The following CARD9 variants were observed in gnomAD, a reference collection of about 807,000 sequenced individuals.
The protein encoded by CARD9 is caspase recruitment domain family member 9.
A neutral mutation model predicts 66.0 loss-of-function variants in CARD9; 53 were observed. The observed-to-expected ratio is 0.80, with a 90% CI of 0.64 to 1.01. The LOEUF (loss-of-function observed/expected upper bound fraction) is 1.01. Ranked by LOEUF, CARD9 falls within the 50% of genes least tolerant of loss-of-function variation. The pLI is 0.00. For synonymous variants in CARD9, 387 were observed against 313.8 expected, an observed-to-expected ratio of 1.23 and a Z score of -2.47; for missense variants, 769 against 743.2, an observed-to-expected ratio of 1.03 and a Z score of -0.40.
rs1833252763 is a variant in CARD9, at chr9:136,370,933, T to C, written c.535A>G (p.Lys179Glu). 7 of 1,612,328 alleles carry C rather than the reference T, an allele frequency of 4.3e-6. No homozygotes were observed. The highest frequency in any genetic ancestry group is 2.2e-5 in the East Asian group (1 of 44,876). The change falls in exon 4 of 13, where the codon AAG becomes GAG. Residue 179 changes from lysine (K) to glutamate (E), a missense_variant. Transcript: ENST00000371732. ...ATGGCCAGGTCGTAGTTCTCCTCCT[T>C]GCAGCGCTTGAGCTCGCGGCTGCCG... ...EAGSRELKRC[K>E]EENYDLAMRL...
chr9:136,369,962 A>G (rs950548740), intron 6 of CARD9, 87 bp from the exon 7 acceptor site: 2 of 1,588,908 alleles, frequency 1.3e-6, no homozygotes, highest in Non-Finnish European at 1.7e-6. Flanking sequence ...GCTCAGAAGC[A>G]TGTGGTCAGG....
rs1263126134 is a variant in CARD9, at chr9:136,367,678, C to A, written c.1228G>T (p.Glu410Ter). 6.3e-7 allele frequency: 1 copy of A among 1,599,414 alleles called. No homozygotes were observed. Among genetic ancestry groups the A allele is most frequent in the Admixed American group, 1.7e-5 (1 of 59,586 alleles). Residue 410 changes from glutamate to a stop codon, truncating the protein, a stop_gained, in exon 8 of 13, where the codon GAG (glutamate) becomes TAG (stop). Transcript: ENST00000371732. LOFTEE classifies it high-confidence loss of function. ...FQCEAQLLAV[E>*]GRLRRQQLET... ...AGCTGCTGCCGCCTGAGCCTGCCCTCCACGGCCAGTAGCTGCGCCTCACAC... is the reference window on the plus strand; with the variant it reads ...AGCTGCTGCCGCCTGAGCCTGCCCTACACGGCCAGTAGCTGCGCCTCACAC...
chr9:136,366,703 T>C, intron 10 of CARD9, 97 bp downstream of exon 10: 2 of 1,320,484 alleles, frequency 1.5e-6, no homozygotes, highest in Non-Finnish European at 2.2e-6. Context: ...GTTGTGGGGG[T>C]TGACACAGGC....
chr9:136,372,182 G>C (rs570512595), intron 1 of CARD9, 88 bp from the exon 2 acceptor site: 1 of 1,544,236 alleles, frequency 6.5e-7, no homozygotes, highest in African/African-American at 1.4e-5. Context: ...CGCTGGGCCA[G>C]GGCTCTCGTC....
In CARD9 at chr9:136,370,332, G is replaced by C. The variant is rs764674043; in HGVS notation, c.913C>G (p.Arg305Gly). Residue 305 changes from arginine (R) to glycine (G), a missense_variant, in exon 6 of 13, where the codon CGC becomes GGC. By Grantham distance (125) the Arg-to-Gly change is moderately radical (BLOSUM62 -2). Coordinates refer to ENST00000371732, the MANE Select transcript of CARD9 (RefSeq NM_052813.5). ...GCCTCGCCCTGGCGGAGGTCCTTGCGCAGGGAGAAGATGGTGTTGGCCTGC... is the reference window on the plus strand; with the variant it reads ...GCCTCGCCCTGGCGGAGGTCCTTGCCCAGGGAGAAGATGGTGTTGGCCTGC... Reference protein sequence around the residue: ...QEQANTIFSLRKDLRQGEARR... With the variant: ...QEQANTIFSLGKDLRQGEARR... 1 of 1,608,672 alleles carries C rather than the reference G, an allele frequency of 6.2e-7. No individual in the cohort carries two copies. The highest frequency in any genetic ancestry group is 8.5e-7 in the Non-Finnish European group (1 of 1,179,148).
rs1439639210 is a variant in CARD9, at chr9:136,370,715, A to G, written c.628-14T>C. Reference sequence around the variant, plus strand: ...GAGCTGGTCAATCTGCAGAAGGTCCAGTGAGCCTGGCTGTCCCCTCCAGGC... The same window carrying G: ...GAGCTGGTCAATCTGCAGAAGGTCCGGTGAGCCTGGCTGTCCCCTCCAGGC... On this transcript the variant is annotated splice_polypyrimidine_tract_variant and intron_variant, in intron 4 of 12. Transcript: ENST00000371732. 16 of 1,612,532 alleles carry G rather than the reference A, an allele frequency of 9.9e-6. No homozygotes were observed. The highest frequency in any genetic ancestry group is 2.2e-5 in the East Asian group (1 of 44,876).
intron 7 of CARD9, among the ~76,000 whole-genome samples, chr9:136,368,823 A>AT (rs765736439): frequency 0.018 from 2,667 of 146,306 alleles, 55 homozygotes; most frequent in African/African-American, 0.057. Context: ...CGACCAGTTA[A>AT]TTTTTTTTTT....
In CARD9 at chr9:136,369,853, A is replaced by C. The variant is rs774264495; in HGVS notation, c.974T>G (p.Phe325Cys). The C allele has an allele frequency of 1.2e-6, 2 of 1,612,588 alleles. No individual in the cohort carries two copies. The highest frequency in any genetic ancestry group is 2.7e-5 in the African/African-American group (2 of 74,934). The change falls in exon 7 of 13, where the codon TTC (phenylalanine) becomes TGC (cysteine). Residue 325 changes from phenylalanine to cysteine, a missense_variant. By Grantham distance (205) the Phe-to-Cys change is radical. Coordinates refer to ENST00000371732, the MANE Select transcript of CARD9 (RefSeq NM_052813.5). ...RLRCMEEKEM[F>C]ELQCLALRKD... ...ACGTAGTGCCAGGCACTGCAGCTCGAACATCTCCTTCTCCTCCATGCACTG... is the reference window on the plus strand; with the variant it reads ...ACGTAGTGCCAGGCACTGCAGCTCGCACATCTCCTTCTCCTCCATGCACTG...
intron 11 of CARD9, 65 bp from the exon 12 acceptor site, chr9:136,364,624 C>A (rs1833072699): frequency 1.4e-6 from 2 of 1,459,704 alleles, no homozygotes; most frequent in Admixed American, 2.0e-5. Context: ...TTCTCACCCG[C>A]CCCCCACTGG....
rs757743370 is a variant in CARD9 at position 136,371,950 on chromosome 9, A to G, written c.129T>C (p.Asp43=). Residue 43 remains aspartate, a synonymous_variant, in exon 2 of 13, where the codon GAT becomes GAC. Transcript: ENST00000371732. ...GGTCGCTGAGCACCTGCTCCTCATCATCGGGGTTCAGGACCTTGCACTGCC... is the reference window on the plus strand; with the variant it reads ...GGTCGCTGAGCACCTGCTCCTCATCGTCGGGGTTCAGGACCTTGCACTGCC... ...YLRQCKVLNP[D]DEEQVLSDPN... is the part of the protein sequence containing the mutation. 4 of 1,610,486 alleles carry G rather than the reference A, an allele frequency of 2.5e-6. No homozygotes were observed. In the African/African-American group the frequency reaches 4.0e-5, roughly 16 times the overall value.
At chr9:136,370,123 G>A in intron 6 of CARD9, 171 bp downstream of exon 6, 1 of 1,423,406 alleles carries the variant, frequency 7.0e-7, no homozygotes. Flanking sequence ...TTGCCATGGG[G>A]GGCAGGCGGG....
At position 136,369,753 on chromosome 9, in the gene CARD9, G is replaced by A. The variant is rs751321743; in HGVS notation, c.1074C>T (p.Asp358=). 5 of 1,598,610 alleles carry A rather than the reference G, an allele frequency of 3.1e-6. No homozygotes were observed. In the East Asian group the frequency reaches 9.0e-5, roughly 29 times the overall value. The change falls in exon 7 of 13, where the codon GAC becomes GAT. Residue 358 remains aspartate (D), a synonymous_variant. Coordinates refer to ENST00000371732, the MANE Select transcript of CARD9 (RefSeq NM_052813.5). ...TCCTGCCCCTGCGAGTGCCCACCTG[G>A]TCCCGCTCAATGGCGACCTCCTCCA... ...LQMEEVAIER[D]QAIATREELH...
chr9:136,364,278 TG>T lies in CARD9; in HGVS notation c.*23del, dbSNP rs1302109073. 3 of 1,551,640 alleles carry T rather than the reference TG, an allele frequency of 1.9e-6. No homozygotes were observed. The highest frequency in any genetic ancestry group is 2.6e-6 in the Non-Finnish European group (3 of 1,147,434). ...GGAGGCCGGGCCGGTGGGTGTGCCCTGGTCGGGGCCTGCGCTGCTGCGGCTA... is the reference window on the plus strand; with the variant it reads ...GGAGGCCGGGCCGGTGGGTGTGCCCTGTCGGGGCCTGCGCTGCTGCGGCTA... On this transcript the variant is annotated 3_prime_UTR_variant, in exon 13 of 13. Coordinates refer to ENST00000371732, the MANE Select transcript of CARD9 (RefSeq NM_052813.5).
rs1288575769 is a variant in CARD9 at position 136,370,633 on chromosome 9, C to T, written c.696G>A (p.Leu232=). The T allele has an allele frequency of 6.2e-7, 1 of 1,612,764 alleles. No individual in the cohort carries two copies. Among genetic ancestry groups the T allele is most frequent in the Non-Finnish European group, 8.5e-7 (1 of 1,179,912 alleles). Reference sequence around the variant, plus strand: ...GCTGCTCCATGGCGTGCCTGAGCTTCAGCGTGTGCTTGCGCTCCACCTTGC... The same window carrying T: ...GCTGCTCCATGGCGTGCCTGAGCTTTAGCGTGTGCTTGCGCTCCACCTTGC... ...DDCKVERKHT[L]KLRHAMEQRP... is the part of the protein sequence containing the mutation. Residue 232 remains leucine, a synonymous_variant, in exon 5 of 13, where the codon CTG becomes CTA. Coordinates refer to ENST00000371732, the MANE Select transcript of CARD9 (RefSeq NM_052813.5).
chr9:136,364,459 G>A, intron 12 of CARD9, 24 bp downstream of exon 12: 1 of 1,540,776 alleles, frequency 6.5e-7, no homozygotes. Context: ...CCGTTTTGGA[G>A]AAGCCTGGGG....
intron 11 of CARD9, chr9:136,364,814 ATTGTTTCTACAACAAAG>A (rs1833079818): frequency 1.7e-6 from 1 of 599,434 alleles, no homozygotes; most frequent in Non-Finnish European, 3.0e-6. Context: ...GGTCCGGGCC[ATTGTTTCTACAACAAAG>A]CCCGAGGTGG....
intron 10 of CARD9, chr9:136,365,494 G>A (rs1833102480): frequency 3.7e-6 from 2 of 547,714 alleles, no homozygotes; most frequent in African/African-American, 3.8e-5. Flanking sequence ...CTGCCAGGGA[G>A]GAACGCCTCC....
intron 11 of CARD9, 22 bp downstream of exon 11, chr9:136,365,119 C>G: frequency 1.2e-6 from 2 of 1,610,122 alleles, no homozygotes; most frequent in African/African-American, 1.3e-5. Flanking sequence ...GCTGGGAGGA[C>G]CCCACCCCGG....
chr9:136,369,608 C>T lies in CARD9; in HGVS notation c.1077+142G>A, dbSNP rs1833208092. 4 of 1,482,274 alleles carry T rather than the reference C, an allele frequency of 2.7e-6. No individual in the cohort carries two copies. The South Asian group carries it at 5.1e-5, about 19-fold the overall frequency. 91.8% of individuals were successfully genotyped at this position (1,482,274 alleles called of 1,614,324 possible). A position where few individuals can be genotyped will look rare whatever the true frequency, so the allele number is the denominator to read the frequency against. ...TTGCTTGAGGCCAGTAGTTTGAGGC[C>T]ACCCTGGGTGACATAGCAAGACCCC... On this transcript the variant is annotated intron_variant, in intron 7 of 12. Transcript: ENST00000371732.
Sources: allele counts gnomAD v4.1 joint callset (sites outside exome capture counted in the v4.1 genomes callset), GRCh38; gene constraint gnomAD v4.1.1; transcripts MANE v1.5; gene names NCBI Gene and HGNC (gene_info 2026-07-23, HGNC 2026-07-21).